The following NELL1 variants were observed in gnomAD, a reference collection of about 807,000 sequenced individuals.
The protein encoded by NELL1 is protein kinase C-binding protein NELL1.
In NELL1, 76 loss-of-function variants were observed where a neutral mutation model predicts 107.4. The ratio of observed to expected loss-of-function variants is 0.71; its 90% CI spans 0.59 to 0.86. The LOEUF (loss-of-function observed/expected upper bound fraction) is 0.86, where lower values mean the gene tolerates loss of function less well. Ranked by LOEUF, NELL1 falls within the 40% of genes least tolerant of loss-of-function variation. The pLI is 0.00. For synonymous variants in NELL1, 353 were observed against 341.2 expected, an observed-to-expected ratio of 1.03 and a Z score of -0.38; for missense variants, 1,024 against 1,005.5, an observed-to-expected ratio of 1.02 and a Z score of -0.25.
At position 21,358,324 on chromosome 11, in the gene NELL1, C is replaced by CA. The variant is rs552737107; in HGVS notation, c.1550-12527dup. ...TTGTGTCATCTATAATTTCTTTCAG[C>CA]AATGTTTTGTAGTTTTTCTTGTAGA... On this transcript the variant is annotated intron_variant, in intron 14 of 19. Transcript: ENST00000357134. Among the ~76,000 whole-genome samples, 423 of 152,142 alleles carry CA rather than the reference C, an allele frequency of 2.8e-3. 1 individual carries two copies. The highest frequency in any genetic ancestry group is 1.0e-2 in the African/African-American group (413 of 41,506).
chr11:21,003,713 C>T (rs1852272147), intron 12 of NELL1, among the ~76,000 whole-genome samples: 1 of 152,124 alleles, frequency 6.6e-6, no homozygotes, highest in Non-Finnish European at 1.5e-5. Context: ...ATCCAAGGTC[C>T]TCCTCTCTGA....
intron 14 of NELL1, among the ~76,000 whole-genome samples, chr11:21,283,001 G>A (rs1239076032): frequency 6.6e-6 from 1 of 151,784 alleles, no homozygotes; most frequent in Non-Finnish European, 1.5e-5. Context: ...GAGATAGAAA[G>A]TAAAGGATAG....
intron 15 of NELL1, among the ~76,000 whole-genome samples, chr11:21,492,403 C>A (rs1199264687): frequency 2.0e-5 from 3 of 152,016 alleles, no homozygotes; most frequent in East Asian, 1.9e-4. Flanking sequence ...TGGGTATATA[C>A]CCAAAGGACT....
intron 15 of NELL1, among the ~76,000 whole-genome samples, chr11:21,382,630 A>C (rs1851639874): frequency 6.6e-6 from 1 of 151,916 alleles, no homozygotes; most frequent in Non-Finnish European, 1.5e-5. Flanking sequence ...ATTTTGGTCT[A>C]TTTCAAATAG....
chr11:21,091,899 C>T (rs936241667), intron 12 of NELL1, among the ~76,000 whole-genome samples: 4 of 152,094 alleles, frequency 2.6e-5, no homozygotes, highest in Admixed American at 2.0e-4. Flanking sequence ...AAGTCAAGGA[C>T]GTGTACAAGG....
At chr11:21,214,985 A>G (rs911091576) in intron 13 of NELL1, among the ~76,000 whole-genome samples, 9 of 152,204 alleles carry the variant, frequency 5.9e-5, no homozygotes, top group Non-Finnish European at 2.9e-5. Flanking sequence ...TGCTAATGTC[A>G]ATCTTCTGAT....
chr11:20,909,938 G>A (rs372438492), intron 5 of NELL1, among the ~76,000 whole-genome samples: 4 of 152,000 alleles, frequency 2.6e-5, no homozygotes, highest in South Asian at 2.1e-4. Flanking sequence ...TGCATATATC[G>A]GTTAGCTATT....
intron 15 of NELL1, among the ~76,000 whole-genome samples, chr11:21,399,781 T>A (rs1029631258): frequency 1.3e-5 from 2 of 151,732 alleles, no homozygotes; most frequent in East Asian, 3.9e-4. Flanking sequence ...GTGCAATACA[T>A]CTCTCATTTG....
chr11:21,057,254 A>G (rs981184951), intron 12 of NELL1, among the ~76,000 whole-genome samples: 3 of 152,128 alleles, frequency 2.0e-5, no homozygotes, highest in African/African-American at 7.2e-5. Flanking sequence ...AAATATATGC[A>G]AACTAAAATG....
chr11:21,134,984 C>G (rs757625912), intron 13 of NELL1, among the ~76,000 whole-genome samples: 1 of 152,030 alleles, frequency 6.6e-6, no homozygotes, highest in African/African-American at 2.4e-5. Flanking sequence ...TGTAAAAGAC[C>G]GAATGCCTAG....
intron 15 of NELL1, among the ~76,000 whole-genome samples, chr11:21,486,377 A>G (rs952523612): frequency 1.3e-5 from 2 of 152,228 alleles, no homozygotes; most frequent in Admixed American, 1.3e-4. Context: ...AATGCTGCTT[A>G]TAGGCCAGGA....
At chr11:21,060,256 C>G (rs889312809) in intron 12 of NELL1, among the ~76,000 whole-genome samples, 2 of 152,220 alleles carry the variant, frequency 1.3e-5, no homozygotes, top group Admixed American at 1.3e-4. Flanking sequence ...GGGCAAGTCA[C>G]TTAACCTCTA....
At chr11:21,214,794 C>T (rs997763087) in intron 13 of NELL1, among the ~76,000 whole-genome samples, 4 of 6,020 alleles carry the variant, frequency 6.6e-4, no homozygotes, top group South Asian at 1.8e-3. Context: ...AGTATTAGGG[C>T]GGGTGGGTGG....
At chr11:20,817,278 T>G (rs1039428715) in intron 3 of NELL1, among the ~76,000 whole-genome samples, 1 of 152,146 alleles carries the variant, frequency 6.6e-6, no homozygotes, top group African/African-American at 2.4e-5. Context: ...TAGGGCTTTT[T>G]TTTGCTTGGT....
intron 10 of NELL1, among the ~76,000 whole-genome samples, chr11:20,941,228 G>C (rs749577700): frequency 6.6e-6 from 1 of 152,198 alleles, no homozygotes; most frequent in Non-Finnish European, 1.5e-5. Context: ...GATTTCCATG[G>C]CTGGAAAACA....
intron 13 of NELL1, among the ~76,000 whole-genome samples, chr11:21,135,466 A>T (rs1167671361): frequency 6.6e-6 from 1 of 152,154 alleles, no homozygotes; most frequent in East Asian, 1.9e-4. Flanking sequence ...TAAATGGAGG[A>T]TGCAATTCAT....
intron 16 of NELL1, among the ~76,000 whole-genome samples, chr11:21,537,128 A>G (rs1856159604): frequency 1.3e-5 from 2 of 152,164 alleles, no homozygotes; most frequent in South Asian, 4.1e-4. Flanking sequence ...ATGATCCTTC[A>G]TCAGGACAGA....
rs768425061 is a variant in NELL1 at position 21,466,386 on chromosome 11, C to T, written c.1646-67988C>T. ...AGCTACCAGCACAAGGAGCAGAGTT[C>T]TCTGGCTAAGCCAGCAGTCTGTCAC... On this transcript the variant is annotated intron_variant, in intron 15 of 19. Coordinates refer to ENST00000357134, the MANE Select transcript of NELL1 (RefSeq NM_006157.5). Among the ~76,000 whole-genome samples, 6 of 152,232 alleles carry T rather than the reference C, an allele frequency of 3.9e-5. No individual in the cohort carries two copies. The South Asian group carries it at 1.2e-3, about 32-fold the overall frequency.
intron 14 of NELL1, among the ~76,000 whole-genome samples, chr11:21,287,619 C>G (rs1245743064): frequency 2.6e-5 from 4 of 152,180 alleles, no homozygotes; most frequent in African/African-American, 9.7e-5. Context: ...CATCTATTCT[C>G]TCTAGATCAG....
Sources: gnomAD v4.1 joint callset for allele counts (sites outside exome capture counted in the v4.1 genomes callset) on GRCh38, gnomAD v4.1.1 for gene constraint, MANE v1.5 for transcripts, NCBI Gene and HGNC (gene_info 2026-07-23, HGNC 2026-07-21) for gene names.